Variants in SLC14A2 observed in about 807,000 individuals in gnomAD.
SLC14A2 encodes the protein urea transporter 2.
A neutral mutation model predicts 104.6 loss-of-function variants in SLC14A2; 91 were observed. The observed-to-expected ratio is 0.87, with a 90% CI of 0.73 to 1.04. SLC14A2 has a LOEUF of 1.04. Among genes scored for constraint, SLC14A2 ranks in the 50% least tolerant of loss-of-function variants. The probability of loss-of-function intolerance (pLI) is 0.00; values close to 1 mark genes in which losing one functional copy is unlikely to be tolerated. For missense variants in SLC14A2, 1,189 were observed against 1,156.0 expected (o/e 1.03, Z -0.41); for synonymous variants, 476 against 466.4 (o/e 1.02, Z -0.27).
intron 9 of SLC14A2, 65 bp downstream of exon 9, chr18:45,643,246 G>A: frequency 7.0e-7 from 1 of 1,425,498 alleles, no homozygotes; most frequent in Non-Finnish European, 9.9e-7. Flanking sequence ...GACATATGGG[G>A]TTGTGGGGTC....
intron 1 of SLC14A2, among the ~76,000 whole-genome samples, chr18:45,455,535 A>C (rs936257121): frequency 6.6e-6 from 1 of 152,030 alleles, no homozygotes; most frequent in African/African-American, 2.4e-5. Context: ...AGGAGAAATA[A>C]CTAATGTAGG....
chr18:45,514,676 G>C (rs879861342), intron 2 of SLC14A2, among the ~76,000 whole-genome samples: 1 of 152,146 alleles, frequency 6.6e-6, no homozygotes, highest in Admixed American at 6.5e-5. Flanking sequence ...GGCATACCTA[G>C]CAATCAGCAA....
At chr18:45,562,136 G>C (rs76644822) in intron 2 of SLC14A2, among the ~76,000 whole-genome samples, 3,129 of 152,298 alleles carry the variant, frequency 0.021, 120 homozygotes, top group African/African-American at 0.071. Context: ...TCCATCGGGT[G>C]CACAACACCA....
intron 1 of SLC14A2, among the ~76,000 whole-genome samples, chr18:45,351,094 T>C (rs2085498987): frequency 6.6e-6 from 1 of 152,190 alleles, no homozygotes; most frequent in African/African-American, 2.4e-5. Flanking sequence ...GTCTTTGTCT[T>C]CTCAGTTCCT....
At chr18:45,524,246 C>T (rs1169981348) in intron 2 of SLC14A2, among the ~76,000 whole-genome samples, 2 of 152,204 alleles carry the variant, frequency 1.3e-5, no homozygotes, top group East Asian at 3.8e-4. Flanking sequence ...TTGAACCTTG[C>T]ATGGAGAGTG....
At chr18:45,290,477 A>G (rs1418480745) in intron 1 of SLC14A2, among the ~76,000 whole-genome samples, 4 of 152,216 alleles carry the variant, frequency 2.6e-5, no homozygotes, top group African/African-American at 4.8e-5. Context: ...AGAGAAAAGA[A>G]TATTACCCAG....
chr18:45,473,524 C>T (rs964209922), intron 1 of SLC14A2, among the ~76,000 whole-genome samples: 1 of 152,136 alleles, frequency 6.6e-6, no homozygotes, highest in African/African-American at 2.4e-5. Context: ...AGTGTTTTTC[C>T]ATTTGTTTTT....
At chr18:45,391,686 G>A (rs1440555301) in intron 1 of SLC14A2, among the ~76,000 whole-genome samples, 1 of 152,196 alleles carries the variant, frequency 6.6e-6, no homozygotes, top group South Asian at 2.1e-4. Flanking sequence ...GTGATGATGA[G>A]CATTTTTTCA....
At chr18:45,593,593 C>T (rs1375630405) in intron 2 of SLC14A2, among the ~76,000 whole-genome samples, 2 of 149,742 alleles carry the variant, frequency 1.3e-5, no homozygotes, top group East Asian at 4.1e-4. Context: ...GGGTTCACGC[C>T]GTTCTCCTGC....
chr18:45,237,732 C>T (rs989755566), intron 1 of SLC14A2, among the ~76,000 whole-genome samples: 4 of 152,188 alleles, frequency 2.6e-5, no homozygotes, highest in African/African-American at 9.6e-5. Flanking sequence ...TTGTGGGAGT[C>T]TGGAGGCAAA....
intron 2 of SLC14A2, among the ~76,000 whole-genome samples, chr18:45,578,086 C>G (rs1170550618): frequency 2.0e-5 from 3 of 152,130 alleles, no homozygotes; most frequent in Non-Finnish European, 4.4e-5. Flanking sequence ...TACCCCCTTC[C>G]CCTAGACCCT....
intron 2 of SLC14A2, among the ~76,000 whole-genome samples, chr18:45,599,336 A>T (rs1002147312): frequency 6.6e-6 from 1 of 152,184 alleles, no homozygotes; most frequent in Non-Finnish European, 1.5e-5. Context: ...GCTGGCAATG[A>T]GTTGAATCAC....
intron 2 of SLC14A2, among the ~76,000 whole-genome samples, chr18:45,510,149 G>A (rs1338453768): frequency 1.3e-5 from 2 of 152,080 alleles, no homozygotes; most frequent in African/African-American, 4.8e-5. Flanking sequence ...GTAAAATTAG[G>A]GGCATGGAAG....
chr18:45,322,081 A>G (rs964299978), intron 1 of SLC14A2, among the ~76,000 whole-genome samples: 66 of 152,196 alleles, frequency 4.3e-4, no homozygotes, highest in African/African-American at 1.5e-3. Context: ...GATTATTTTG[A>G]TCCTAGAAAA....
At chr18:45,499,743 A>G (rs1367848414) in intron 2 of SLC14A2, among the ~76,000 whole-genome samples, 1 of 152,218 alleles carries the variant, frequency 6.6e-6, no homozygotes, top group Non-Finnish European at 1.5e-5. Flanking sequence ...CTTGGGCACC[A>G]CATTGTGATT....
At chr18:45,676,944 A>G (rs1299368271) in intron 18 of SLC14A2, among the ~76,000 whole-genome samples, 1 of 152,200 alleles carries the variant, frequency 6.6e-6, no homozygotes, top group East Asian at 1.9e-4. Context: ...AAAAAATCCA[A>G]GCCCAGAACA....
chr18:45,204,448 T>G, the SLC14A2 span, among the ~76,000 whole-genome samples: 2 of 152,354 alleles, frequency 1.3e-5, no homozygotes, highest in East Asian at 3.9e-4. Flanking sequence ...ACTGGTCTGA[T>G]GGAGAGTTGG....
At chr18:45,582,391 C>T (rs1028527863) in intron 2 of SLC14A2, among the ~76,000 whole-genome samples, 1 of 152,116 alleles carries the variant, frequency 6.6e-6, no homozygotes, top group Non-Finnish European at 1.5e-5. Flanking sequence ...AGTATTCAGA[C>T]ATACCAGAGC....
chr18:45,568,498 G>A (rs1004975336), intron 2 of SLC14A2, among the ~76,000 whole-genome samples: 23 of 152,216 alleles, frequency 1.5e-4, no homozygotes, highest in Admixed American at 5.2e-4. Flanking sequence ...TCATTGTGAT[G>A]GGCAGAGCCA....
Sources: gnomAD v4.1 joint callset for allele counts (sites outside exome capture counted in the v4.1 genomes callset) on GRCh38, gnomAD v4.1.1 for gene constraint, MANE v1.5 for transcripts, NCBI Gene and HGNC (gene_info 2026-07-23, HGNC 2026-07-21) for gene names.